The following NUDT8 variants were observed in gnomAD, a reference collection of about 807,000 sequenced individuals.
NUDT8 encodes mitochondrial coenzyme A diphosphatase NUDT8.
In NUDT8, 14 loss-of-function variants were observed where a neutral mutation model predicts 12.5. The observed-to-expected ratio is 1.12, with a 90% confidence interval of 0.74 to 1.75. NUDT8 has a LOEUF of 1.75. Ranked by LOEUF, NUDT8 falls within the 40% of genes most tolerant of loss-of-function variation. NUDT8 has a pLI of 0.00. For missense variants in NUDT8, 337 were observed against 318.5 expected (o/e 1.06, Z -0.44); for synonymous variants, 163 against 156.2 (o/e 1.04, Z -0.33).
In NUDT8 at chr11:67,629,532, C is replaced by G. The variant is rs112776815; in HGVS notation, c.194+186G>C. On this transcript the variant is annotated intron_variant, in intron 1 of 3. Transcript: ENST00000376693. ...AGGACGTGGCGCCCCGGCAGGTGCACCGGGGCCGACGGACACGGATCGCTG... is the reference window on the plus strand; with the variant it reads ...AGGACGTGGCGCCCCGGCAGGTGCAGCGGGGCCGACGGACACGGATCGCTG... 1.5e-5 allele frequency: 6 copies of G among 405,104 alleles called. No homozygotes were observed. In the South Asian group the frequency reaches 3.7e-4, roughly 25 times the overall value. 25.1% of individuals were successfully genotyped at this position (405,104 alleles called of 1,614,324 possible). A position where few individuals can be genotyped will look rare whatever the true frequency, so the allele number is the denominator to read the frequency against.
At position 67,629,848 on chromosome 11, in the gene NUDT8, T is replaced by TGGCCCC; in HGVS notation, c.58_63dup (p.Gly20_Ala21dup). 1 of 1,276,834 alleles carries TGGCCCC rather than the reference T, an allele frequency of 7.8e-7. No individual in the cohort carries two copies. The highest frequency in any genetic ancestry group is 1.6e-5 in the African/African-American group (1 of 64,386). The allele number at this position is 1,276,834 out of a possible 1,614,324, so 79.1% of individuals were successfully genotyped here. ...GCGGGCCGCGCGCGGAGCCGGGCCG[T>TGGCCCC]GGCCCCTGCCAGCAGCCGGCGGCAG... On this transcript the variant is annotated inframe_insertion, in exon 1 of 4. Coordinates refer to ENST00000376693, the MANE Select transcript of NUDT8 (RefSeq NM_001243750.2).
Position 67,627,982 on chromosome 11 carries a change from C to T in NUDT8, c.675G>A (p.Gln225=), listed in dbSNP as rs996485322. The T allele has an allele frequency of 6.3e-7, 1 of 1,596,280 alleles. No homozygotes were observed. Residue 225 remains glutamine, a synonymous_variant, in exon 4 of 4, where the codon CAG becomes CAA. Transcript: ENST00000376693. ...TATTCAGTCCTGGAGTGGAGCTGGC[C>T]TGACAGGGTGAAGCCAGGGGCTGCT... ...RPKQPLASPC[Q]ASSTPGLNKG...
chr11:67,629,096 G>A, intron 1 of NUDT8, 45 bp from the exon 2 acceptor site: 2 of 1,563,246 alleles, frequency 1.3e-6, no homozygotes, highest in Non-Finnish European at 1.7e-6. Flanking sequence ...TTGGGGCCAC[G>A]GAGAGGTCGG....
At position 67,629,155 on chromosome 11, in the gene NUDT8, C is replaced by T. The variant is rs1855164475; in HGVS notation, c.195-104G>A. ...CACTGGCCCACCGAAGTGTCGCCTG[C>T]CTCTGCCCCTAGTTTACTGGGAGGC... is the stretch of plus-strand genomic sequence containing the variant. On this transcript the variant is annotated intron_variant, in intron 1 of 3. Transcript: ENST00000376693. 23 of 1,259,172 alleles carry T rather than the reference C, an allele frequency of 1.8e-5. No homozygotes were observed. The South Asian group carries it at 2.6e-4, about 14-fold the overall frequency. 78.0% of individuals were successfully genotyped at this position (1,259,172 alleles called of 1,614,324 possible).
rs551156083 is a variant in NUDT8 at position 67,628,010 on chromosome 11, G to T, written c.647C>A (p.Pro216His). The part of the protein sequence containing the change: ...TCSGAEGLAR[P>H]KQPLASPCQA... Reference sequence around the variant, plus strand: ...ACAGGGTGAAGCCAGGGGCTGCTTAGGGCGGGCCAGACCCTCAGCCCCTGA... The same window carrying T: ...ACAGGGTGAAGCCAGGGGCTGCTTATGGCGGGCCAGACCCTCAGCCCCTGA... Residue 216 changes from proline to histidine, a missense_variant, in exon 4 of 4, where the codon CCT becomes CAT. Pro to His is a moderately conservative substitution (Grantham distance 77, BLOSUM62 -2). Transcript: ENST00000376693. 4 of 1,598,160 alleles carry T rather than the reference G, an allele frequency of 2.5e-6. No individual in the cohort carries two copies. In the South Asian group the frequency reaches 3.3e-5, roughly 13 times the overall value.
intron 1 of NUDT8, 184 bp downstream of exon 1, chr11:67,629,534 G>A (rs544590083): frequency 2.2e-5 from 9 of 403,742 alleles, no homozygotes; most frequent in East Asian, 1.8e-4. Flanking sequence ...CAGGTGCACC[G>A]GGGCCGACGG....
chr11:67,629,135 GC>G (rs1855164141), intron 1 of NUDT8, 84 bp from the exon 2 acceptor site: 4 of 1,411,398 alleles, frequency 2.8e-6, no homozygotes, highest in Admixed American at 2.2e-5. Context: ...GGGGCCACTG[GC>G]CCACCGAAGT....
At position 67,628,361 on chromosome 11, in the gene NUDT8, G is replaced by A. The variant is rs758440399; in HGVS notation, c.367C>T (p.Pro123Ser). Reference sequence around the variant, plus strand: ...GGCCTGAGGCTCTGGGGATCCAGTGGGCCTACACCAGCAAGCACTGGCACC... The same window carrying A: ...GGCCTGAGGCTCTGGGGATCCAGTGAGCCTACACCAGCAAGCACTGGCACC... ...TVVPVLAGVG[P>S]LDPQSLRPNS... is the part of the protein sequence containing the mutation. The change falls in exon 3 of 4, where the codon CCA becomes TCA. Residue 123 changes from proline to serine, a missense_variant. Transcript: ENST00000376693. The A allele has an allele frequency of 1.9e-6, 3 of 1,613,934 alleles. 1 individual carries two copies. In the South Asian group the frequency reaches 3.3e-5, roughly 18 times the overall value.
intron 1 of NUDT8, chr11:67,629,500 C>G (rs1297567948): frequency 9.9e-6 from 4 of 403,150 alleles, no homozygotes; most frequent in African/African-American, 4.2e-5. Context: ...GAGGGGCCCA[C>G]GCGGCGAGGA....
Position 67,629,059 on chromosome 11 carries a change from G to A in NUDT8, c.195-8C>T. The A allele has an allele frequency of 6.2e-7, 1 of 1,607,324 alleles. No individual in the cohort carries two copies. Among genetic ancestry groups the A allele is most frequent in the Non-Finnish European group, 8.5e-7 (1 of 1,176,372 alleles). Reference sequence around the variant, plus strand: ...CACTTGCCGCCTGGGAAACTAAACAGACACAAGGAGTCTGGTCCTTGGACT... The same window carrying A: ...CACTTGCCGCCTGGGAAACTAAACAAACACAAGGAGTCTGGTCCTTGGACT... On this transcript the variant is annotated splice_polypyrimidine_tract_variant and splice_region_variant and intron_variant, in intron 1 of 3. Coordinates refer to ENST00000376693, the MANE Select transcript of NUDT8 (RefSeq NM_001243750.2).
Position 67,629,908 on chromosome 11 carries a change from G to T in NUDT8, c.4C>A (p.Leu2Met). MLPDCLSAEGEL... is the reference protein window; with the variant it reads MMPDCLSAEGEL... ...CCCTCGGCCGACAGGCAGTCGGGCA[G>T]CATGTCAAGTCCTGCGCGGCCGGGA... Residue 2 changes from leucine to methionine, a missense_variant, in exon 1 of 4, where the codon CTG becomes ATG. Transcript: ENST00000376693. 1.6e-6 allele frequency: 2 copies of T among 1,235,414 alleles called. No homozygotes were observed. Among genetic ancestry groups the T allele is most frequent in the Non-Finnish European group, 1.0e-6 (1 of 993,366 alleles). 76.5% of individuals were successfully genotyped at this position (1,235,414 alleles called of 1,614,324 possible). A position where few individuals can be genotyped will look rare whatever the true frequency, so the allele number is the denominator to read the frequency against.
At chr11:67,628,498 G>GGGT in intron 2 of NUDT8, 98 bp from the exon 3 acceptor site, 1 of 995,048 alleles carries the variant, frequency 1.0e-6, no homozygotes, top group Non-Finnish European at 1.5e-6. Flanking sequence ...CCATGCATAG[G>GGGT]CCTTTGGTAG....
In NUDT8 at chr11:67,629,757, C is replaced by T. The variant is rs755869230; in HGVS notation, c.155G>A (p.Arg52Gln). ...GTGCCTCCCGGTCAGGCGGCTGGAC[C>T]GCAGCGTGTACAGCAGCGCCGGGAC... ...RGVPALLYTL[R>Q]SSRLTGRHKG... The change falls in exon 1 of 4, where the codon CGG becomes CAG. Residue 52 changes from arginine (R) to glutamine (Q), a missense_variant. Arg to Gln is a conservative substitution (Grantham distance 43, BLOSUM62 1). Coordinates refer to ENST00000376693, the MANE Select transcript of NUDT8 (RefSeq NM_001243750.2). The T allele has an allele frequency of 6.5e-7, 1 of 1,544,432 alleles. No homozygotes were observed.
Position 67,628,114 on chromosome 11 carries a change from G to C in NUDT8, c.543C>G (p.Leu181=). The part of the protein sequence containing the change: ...FLHGPHRVWG[L]TAVITEFALQ... ...GGGCAAACTCAGTGATGACAGCTGT[G>C]AGGCCCCAGACCCGGTGTGGTCCAT... The change falls in exon 4 of 4, where the codon CTC becomes CTG. Residue 181 remains leucine, a synonymous_variant. Coordinates refer to ENST00000376693, the MANE Select transcript of NUDT8 (RefSeq NM_001243750.2). 6.3e-7 allele frequency: 1 copy of C among 1,598,864 alleles called. No individual in the cohort carries two copies. The highest frequency in any genetic ancestry group is 8.5e-7 in the Non-Finnish European group (1 of 1,179,814).
chr11:67,629,126 G>GC (rs1175291708), intron 1 of NUDT8, 75 bp from the exon 2 acceptor site: 2 of 1,462,386 alleles, frequency 1.4e-6, no homozygotes, highest in African/African-American at 2.8e-5. Context: ...AGTGCGGGGG[G>GC]GGCCACTGGC....
In NUDT8 at chr11:67,629,063, C is replaced by G. The variant is rs367869091; in HGVS notation, c.195-12G>C. 1.5e-5 allele frequency: 24 copies of G among 1,605,990 alleles called. No homozygotes were observed. The highest frequency in any genetic ancestry group is 2.0e-5 in the Non-Finnish European group (24 of 1,175,516). On this transcript the variant is annotated splice_polypyrimidine_tract_variant and intron_variant, in intron 1 of 3. Coordinates refer to ENST00000376693, the MANE Select transcript of NUDT8 (RefSeq NM_001243750.2). ...TGCCGCCTGGGAAACTAAACAGACA[C>G]AAGGAGTCTGGTCCTTGGACTCTTG...
rs768186644 is a variant in NUDT8, at chr11:67,628,395, CT to C, written c.332del (p.Lys111ArgfsTer11). 5 of 1,613,554 alleles carry C rather than the reference CT, an allele frequency of 3.1e-6. No homozygotes were observed. Among genetic ancestry groups the C allele is most frequent in the South Asian group, 1.1e-5 (1 of 91,064 alleles). On this transcript the variant is annotated frameshift_variant, in exon 3 of 4. Coordinates refer to ENST00000376693, the MANE Select transcript of NUDT8 (RefSeq NM_001243750.2). LOFTEE classifies it high-confidence loss of function. Reference protein sequence around the residue: ...GLLRPVYDPQKATVVPVLAGV... With the variant: ...GLLRPVYDPQXATVVPVLAGV... ...CAGCAAGCACTGGCACCACGGTGGC[CT>C]TTTGCTGGGGAAGAGGGCAGGTGGT... is the stretch of plus-strand genomic sequence containing the variant.
chr11:67,629,526 G>A, intron 1 of NUDT8, 192 bp downstream of exon 1: 1 of 403,144 alleles, frequency 2.5e-6, no homozygotes, highest in Non-Finnish European at 4.4e-6. Context: ...CGCCCCGGCA[G>A]GTGCACCGGG....
chr11:67,629,892 G>T lies in NUDT8; in HGVS notation c.20C>A (p.Ser7Ter). ...GCGGCAGCGCAGCTCGCCCTCGGCC[G>T]ACAGGCAGTCGGGCAGCATGTCAAG... Reference protein sequence around the residue: MLPDCLSAEGELRCRRL... With the variant: MLPDCL The change falls in exon 1 of 4, where the codon TCG becomes TAG. Residue 7 changes from serine to a stop codon, truncating the protein, a stop_gained. Transcript: ENST00000376693. LOFTEE classifies it high-confidence loss of function. 2 of 1,239,502 alleles carry T rather than the reference G, an allele frequency of 1.6e-6. No homozygotes were observed. The highest frequency in any genetic ancestry group is 1.0e-6 in the Non-Finnish European group (1 of 996,144). The allele number at this position is 1,239,502 out of a possible 1,614,324, so 76.8% of individuals were successfully genotyped here.
Sources: gnomAD v4.1 joint callset for allele counts on GRCh38, gnomAD v4.1.1 for gene constraint, MANE v1.5 for transcripts, NCBI Gene and HGNC (gene_info 2026-07-23, HGNC 2026-07-21) for gene names.